The following TSPEAR variants were observed in gnomAD, a reference collection of about 807,000 sequenced individuals.
TSPEAR encodes the protein thrombospondin type laminin G domain and EAR repeats.
Under a neutral mutation model 71.6 loss-of-function variants are expected in TSPEAR, and 69 were observed. That is an observed-to-expected ratio of 0.96 (90% CI 0.79 to 1.18). The LOEUF is 1.18. TSPEAR is among the 50% of genes most tolerant of loss of function. TSPEAR has a pLI of 0.00. For synonymous variants in TSPEAR, 402 were observed against 387.2 expected (o/e 1.04, Z -0.45); for missense variants, 971 against 894.9 (o/e 1.09, Z -1.09).
intron 1 of TSPEAR, among the ~76,000 whole-genome samples, chr21:44,606,607 G>C (rs587750720): frequency 6.6e-6 from 1 of 152,254 alleles, no homozygotes; most frequent in Non-Finnish European, 1.5e-5. Flanking sequence ...AATAGCCTAG[G>C]TATGGAATCG....
chr21:44,667,023 G>A (rs1340188698), intron 1 of TSPEAR: 3 of 1,033,942 alleles, frequency 2.9e-6, no homozygotes, highest in Non-Finnish European at 4.2e-6. Flanking sequence ...TTCTTCCTCA[G>A]TGCTGTCTCC....
intron 1 of TSPEAR, among the ~76,000 whole-genome samples, chr21:44,605,646 CAA>C (rs1314335012): frequency 6.6e-6 from 1 of 152,114 alleles, no homozygotes; most frequent in Non-Finnish European, 1.5e-5. Flanking sequence ...GAAACAAACC[CAA>C]GTGTTTGTTG....
At chr21:44,537,616 C>T (rs990911050) in intron 2 of TSPEAR, among the ~76,000 whole-genome samples, 6 of 152,166 alleles carry the variant, frequency 3.9e-5, no homozygotes, top group Non-Finnish European at 5.9e-5. Context: ...AAGATTAATA[C>T]GTCATACCTC....
At chr21:44,619,549 C>T (rs1014409972) in intron 1 of TSPEAR, among the ~76,000 whole-genome samples, 5 of 152,202 alleles carry the variant, frequency 3.3e-5, no homozygotes, top group African/African-American at 1.2e-4. Context: ...CAAAGCCTTT[C>T]AATCAACTCT....
At chr21:44,699,824 G>A (rs1555951286) in intron 1 of TSPEAR, among the ~76,000 whole-genome samples, 1 of 152,214 alleles carries the variant, frequency 6.6e-6, no homozygotes, top group Non-Finnish European at 1.5e-5. Context: ...AAGGGAAGCT[G>A]CATCTGGGCA....
intron 1 of TSPEAR, chr21:44,654,245 G>C: frequency 2.6e-6 from 4 of 1,561,430 alleles, no homozygotes; most frequent in South Asian, 1.1e-5. Context: ...TTCTGACCTC[G>C]CACCTACGAG....
chr21:44,570,330 C>T (rs2053774923), intron 1 of TSPEAR, among the ~76,000 whole-genome samples: 1 of 152,256 alleles, frequency 6.6e-6, no homozygotes, highest in Non-Finnish European at 1.5e-5. Flanking sequence ...TGTTGTGTGC[C>T]TCTCAGCCTC....
In TSPEAR at chr21:44,654,997, C is replaced by T. The variant is rs587704091; in HGVS notation, c.82+56436G>A. Among the ~76,000 whole-genome samples, 4 of 152,212 alleles carry T rather than the reference C, an allele frequency of 2.6e-5. No individual in the cohort carries two copies. The East Asian group carries it at 7.7e-4, about 29-fold the overall frequency. ...GTCACACTCACTACACCAGGGGCCCCGTTTTGACTGAGAAGCTCAGTCATC... is the reference window on the plus strand; with the variant it reads ...GTCACACTCACTACACCAGGGGCCCTGTTTTGACTGAGAAGCTCAGTCATC... On this transcript the variant is annotated intron_variant, in intron 1 of 11. Transcript: ENST00000323084.
chr21:44,568,806 T>C (rs2053743230), intron 1 of TSPEAR, among the ~76,000 whole-genome samples: 1 of 152,098 alleles, frequency 6.6e-6, no homozygotes, highest in African/African-American at 2.4e-5. Context: ...GAAGCAGGTG[T>C]TCCTGGAGCT....
chr21:44,711,526 G>A lies in TSPEAR; in HGVS notation c.-12C>T. 1 of 1,608,492 alleles carries A rather than the reference G, an allele frequency of 6.2e-7. No homozygotes were observed. Among genetic ancestry groups the A allele is most frequent in the Non-Finnish European group, 8.5e-7 (1 of 1,177,816 alleles). ...AGCAGGGCAGACATGAGGGGCTTGGGTGCCAAGCTCCATCCAGGGCTCCGC... is the reference window on the plus strand; with the variant it reads ...AGCAGGGCAGACATGAGGGGCTTGGATGCCAAGCTCCATCCAGGGCTCCGC... On this transcript the variant is annotated 5_prime_UTR_variant, in exon 1 of 12. Transcript: ENST00000323084. This position sits in a 1 kb window ranked among gnomAD's most constrained non-coding sequence, Gnocchi z 4.5.
intron 1 of TSPEAR, among the ~76,000 whole-genome samples, chr21:44,631,790 C>T (rs1983271689): frequency 6.6e-6 from 1 of 152,140 alleles, no homozygotes. Flanking sequence ...AGGACAACAT[C>T]AAACATACCA....
chr21:44,658,313 C>T (rs369039377), intron 1 of TSPEAR: 93 of 1,573,054 alleles, frequency 5.9e-5, no homozygotes, highest in African/African-American at 3.4e-4. Flanking sequence ...TGTATCCCTC[C>T]GTGAATAAGC....
At chr21:44,550,810 G>A (rs2146030061) in intron 2 of TSPEAR, 3 of 1,534,782 alleles carry the variant, frequency 2.0e-6, no homozygotes, top group Non-Finnish European at 2.7e-6. Flanking sequence ...CAGCAAGCTG[G>A]CTGGCAGCTA....
At chr21:44,680,631 T>G (rs1341263926) in intron 1 of TSPEAR, among the ~76,000 whole-genome samples, 1 of 152,202 alleles carries the variant, frequency 6.6e-6, no homozygotes, top group Non-Finnish European at 1.5e-5. Flanking sequence ...AAGATACAGA[T>G]TCAACCTAAA....
At position 44,534,062 on chromosome 21, in the gene TSPEAR, C is replaced by T. The variant is rs587713142; in HGVS notation, c.304-139G>A. ...TGACTGGAGGGGCGAGGTGAGGGGG[C>T]GCGGTGGATGGGAAGGGCAGGGTGG... On this transcript the variant is annotated intron_variant, in intron 2 of 11. Transcript: ENST00000323084. 169 of 640,398 alleles carry T rather than the reference C, an allele frequency of 2.6e-4. 2 individuals are homozygous for T. The highest frequency in any genetic ancestry group is 2.1e-3 in the African/African-American group (106 of 50,728). 39.7% of individuals were successfully genotyped at this position (640,398 alleles called of 1,614,324 possible). A position where few individuals can be genotyped will look rare whatever the true frequency, so the allele number is the denominator to read the frequency against.
chr21:44,556,435 G>A (rs1251511533), intron 2 of TSPEAR, among the ~76,000 whole-genome samples: 2 of 151,934 alleles, frequency 1.3e-5, no homozygotes, highest in East Asian at 1.9e-4. Context: ...GCTCATGCCT[G>A]TAATCCCAGC....
At chr21:44,708,649 C>T (rs1294423179) in intron 1 of TSPEAR, among the ~76,000 whole-genome samples, 7 of 152,334 alleles carry the variant, frequency 4.6e-5, no homozygotes, top group Admixed American at 1.3e-4. Flanking sequence ...GCCCAGAGAC[C>T]TGACCACCCT....
At chr21:44,618,001 C>T (rs1160310892) in intron 1 of TSPEAR, among the ~76,000 whole-genome samples, 1 of 152,210 alleles carries the variant, frequency 6.6e-6, no homozygotes, top group Non-Finnish European at 1.5e-5. Flanking sequence ...AGACCGATGA[C>T]AGAGGAAATG....
intron 1 of TSPEAR, among the ~76,000 whole-genome samples, chr21:44,569,608 G>A (rs587651089): frequency 6.6e-6 from 1 of 152,260 alleles, no homozygotes; most frequent in South Asian, 2.1e-4. Context: ...AAGAAAGTGT[G>A]GCCTGCTTTA....
Sources: allele counts gnomAD v4.1 joint callset (sites outside exome capture counted in the v4.1 genomes callset), GRCh38; gene constraint gnomAD v4.1.1; non-coding constraint Gnocchi (gnomAD v3.1); transcripts MANE v1.5; gene names NCBI Gene and HGNC (gene_info 2026-07-23, HGNC 2026-07-21).